PRKG2: variants seen among roughly 807,000 people sequenced by gnomAD.
PRKG2 encodes protein kinase cGMP-dependent 2, also known as cGMP-dependent protein kinase 2.
PRKG2 carries 33 observed loss-of-function variants against 97.2 expected under a neutral mutation model. The observed-to-expected ratio is 0.34, with a 90% CI of 0.26 to 0.45. PRKG2 has a LOEUF of 0.45. Ranked by LOEUF, PRKG2 falls within the 20% of genes least tolerant of loss-of-function variation. The pLI, the probability that PRKG2 is intolerant of heterozygous loss-of-function variation, is 1.00. For missense variants in PRKG2, 638 were observed against 900.0 expected, an observed-to-expected ratio of 0.71 and a Z score of 3.73; for synonymous variants, 330 against 321.8, an observed-to-expected ratio of 1.03 and a Z score of -0.27.
At chr4:81,124,425 A>C (rs562112867) in intron 14 of PRKG2, among the ~76,000 whole-genome samples, 66 of 152,318 alleles carry the variant, frequency 4.3e-4, no homozygotes, top group African/African-American at 1.5e-3. Context: ...CTCATCCCAC[A>C]ATGAATTAGA....
intron 2 of PRKG2, among the ~76,000 whole-genome samples, chr4:81,201,922 G>A (rs1753339191): frequency 1.3e-5 from 2 of 152,172 alleles, no homozygotes; most frequent in Non-Finnish European, 2.9e-5. Context: ...TGTAGTTGAT[G>A]TGTATATTAA....
At chr4:81,114,018 C>T (rs991477247) in intron 14 of PRKG2, among the ~76,000 whole-genome samples, 1 of 152,052 alleles carries the variant, frequency 6.6e-6, no homozygotes, top group Non-Finnish European at 1.5e-5. Flanking sequence ...AGCTGAAATA[C>T]CTAAGAGTAT....
In PRKG2 at chr4:81,174,855, T is replaced by C. The variant is rs752074471; in HGVS notation, c.566A>G (p.Tyr189Cys). The C allele has an allele frequency of 1.9e-6, 3 of 1,613,276 alleles. No individual in the cohort carries two copies. Among genetic ancestry groups the C allele is most frequent in the Non-Finnish European group, 2.5e-6 (3 of 1,179,500 alleles). ...DMVECMYGRN[Y>C]QQGSYIIKQG... Reference sequence around the variant, plus strand: ...CTTAATAATGTAACTCCCTTGCTGATAGTTTCTCCCATACATGCATTCCAC... The same window carrying C: ...CTTAATAATGTAACTCCCTTGCTGACAGTTTCTCCCATACATGCATTCCAC... Residue 189 changes from tyrosine to cysteine, a missense_variant, in exon 3 of 19, where the codon TAT (tyrosine) becomes TGT (cysteine). Tyr to Cys is a radical substitution (Grantham distance 194, BLOSUM62 -2). Coordinates refer to ENST00000264399, the MANE Select transcript of PRKG2 (RefSeq NM_006259.3).
chr4:81,184,641 T>C (rs1412824793), intron 2 of PRKG2, among the ~76,000 whole-genome samples: 1 of 151,998 alleles, frequency 6.6e-6, no homozygotes, highest in Non-Finnish European at 1.5e-5. Context: ...GAAAATGAGT[T>C]TGATGAATTG....
Position 81,092,462 on chromosome 4 carries a change from GAGAAAGGA to G in PRKG2, c.2127-18_2127-11del, listed in dbSNP as rs756776735. 9.4e-7 allele frequency: 1 copy of G among 1,063,792 alleles called. No individual in the cohort carries two copies. The highest frequency in any genetic ancestry group is 3.3e-5 in the East Asian group (1 of 30,618). 65.9% of individuals were successfully genotyped at this position (1,063,792 alleles called of 1,614,324 possible). On this transcript the variant is annotated splice_polypyrimidine_tract_variant and intron_variant, in intron 17 of 18. Transcript: ENST00000264399. ...AAAACCATTTAACCACCTGAGAAAT[GAGAAAGGA>G]AGGAAGGAAGGAAGGAAGGAAGGAA...
chr4:81,192,312 G>C (rs1456458971), intron 2 of PRKG2: 5 of 152,154 alleles, frequency 3.3e-5, no homozygotes, highest in African/African-American at 1.2e-4. Context: ...GAAGATAATG[G>C]GTAGAAATTG....
At chr4:81,099,743 T>C (rs1480636507) in intron 17 of PRKG2, among the ~76,000 whole-genome samples, 1 of 151,982 alleles carries the variant, frequency 6.6e-6, no homozygotes, top group African/African-American at 2.4e-5. Flanking sequence ...AAATAAAGGG[T>C]ATTCAATTAG....
chr4:81,092,583 C>A, intron 17 of PRKG2, 131 bp from the exon 18 acceptor site: 1 of 663,040 alleles, frequency 1.5e-6, no homozygotes, highest in South Asian at 2.1e-5. Context: ...AGTTATCTGT[C>A]ATGGCTTTAA....
At chr4:81,144,445 T>G in intron 9 of PRKG2, 115 bp from the exon 10 acceptor site, 2 of 750,894 alleles carry the variant, frequency 2.7e-6, no homozygotes, top group Non-Finnish European at 4.3e-6. Flanking sequence ...AAATCATTTT[T>G]TAAATAATTT....
intron 14 of PRKG2, among the ~76,000 whole-genome samples, chr4:81,116,336 C>A (rs1744516697): frequency 6.6e-6 from 1 of 152,128 alleles, no homozygotes; most frequent in Non-Finnish European, 1.5e-5. Context: ...CCCTCCAGCT[C>A]CAACCATGTT....
At chr4:81,122,531 A>G (rs1463641216) in intron 14 of PRKG2, among the ~76,000 whole-genome samples, 1 of 152,192 alleles carries the variant, frequency 6.6e-6, no homozygotes, top group Non-Finnish European at 1.5e-5. Flanking sequence ...CTCATCATCT[A>G]TAATTATTAA....
intron 14 of PRKG2, among the ~76,000 whole-genome samples, 165 bp from the exon 15 acceptor site, chr4:81,110,776 C>CAGAT (rs397759077): frequency 2.1e-5 from 3 of 141,524 alleles, no homozygotes; most frequent in Non-Finnish European, 3.0e-5. Flanking sequence ...GACAGACAGA[C>CAGAT]GGACAGACAG....
At chr4:81,198,315 G>C (rs112882795) in intron 2 of PRKG2, among the ~76,000 whole-genome samples, 1,986 of 152,262 alleles carry the variant, frequency 0.013, 44 homozygotes, top group African/African-American at 0.045. Context: ...CTAGAGAAAA[G>C]AAAAGACAGA....
chr4:81,110,093 T>G lies in PRKG2; in HGVS notation c.1940+355A>C, dbSNP rs188936910. On this transcript the variant is annotated intron_variant, in intron 15 of 18. Coordinates refer to ENST00000264399, the MANE Select transcript of PRKG2 (RefSeq NM_006259.3). ...GAACTCAGATTGCTGTTTTCTCCAT[T>G]ACACAAAAAAGAGGAAATAATAACA... Among the ~76,000 whole-genome samples the G allele has an allele frequency of 7.1e-3, 1,080 of 152,288 alleles. 6 individuals are homozygous for G. The highest frequency in any genetic ancestry group is 0.012 in the Non-Finnish European group (819 of 68,006).
chr4:81,182,062 T>G (rs1368856406), intron 2 of PRKG2, among the ~76,000 whole-genome samples: 1 of 151,852 alleles, frequency 6.6e-6, no homozygotes, highest in Non-Finnish European at 1.5e-5. Context: ...AATATTAAAT[T>G]TATGTAATAT....
At chr4:81,195,399 C>A (rs1300829285) in intron 2 of PRKG2, among the ~76,000 whole-genome samples, 1 of 152,086 alleles carries the variant, frequency 6.6e-6, no homozygotes, top group Non-Finnish European at 1.5e-5. Flanking sequence ...ATAAAATATA[C>A]ATAACATAAA....
At chr4:81,141,857 G>A (rs1747323068) in intron 11 of PRKG2, among the ~76,000 whole-genome samples, 1 of 152,094 alleles carries the variant, frequency 6.6e-6, no homozygotes, top group African/African-American at 2.4e-5. Flanking sequence ...TTTATCCTAA[G>A]GAACATCTGT....
In PRKG2 at chr4:81,152,043, T is replaced by C. The variant is rs768512582; in HGVS notation, c.1002A>G (p.Thr334=). The part of the protein sequence containing the change: ...FILAKGKVKV[T]QSTEGHDQPQ... ...GTTGATCATGGCCTTCTGTGCTCTG[T>C]GTTACTTTTACCTAAACAATGTTAA... The change falls in exon 8 of 19, where the codon ACA becomes ACG. Residue 334 remains threonine, a synonymous_variant. Transcript: ENST00000264399. The C allele has an allele frequency of 1.2e-6, 2 of 1,611,020 alleles. No individual in the cohort carries two copies. Among genetic ancestry groups the C allele is most frequent in the Non-Finnish European group, 1.7e-6 (2 of 1,178,338 alleles).
chr4:81,167,908 T>G (rs1254765166), intron 5 of PRKG2, among the ~76,000 whole-genome samples: 2 of 151,978 alleles, frequency 1.3e-5, no homozygotes, highest in Non-Finnish European at 2.9e-5. Context: ...ACATAAGAAC[T>G]TCAACAACTG....
Sources: allele counts gnomAD v4.1 joint callset (sites outside exome capture counted in the v4.1 genomes callset), GRCh38; gene constraint gnomAD v4.1.1; transcripts MANE v1.5; gene names NCBI Gene and HGNC (gene_info 2026-07-23, HGNC 2026-07-21).